Variants in AMZ1 observed in about 807,000 individuals in gnomAD.
AMZ1 encodes the protein archaelysin family metallopeptidase 1, also known as archaemetzincin-1.
Under a neutral mutation model 29.9 loss-of-function variants are expected in AMZ1, and 39 were observed. That is an observed-to-expected ratio of 1.30 (90% confidence interval 1.01 to 1.70). The LOEUF (loss-of-function observed/expected upper bound fraction) is 1.70. AMZ1 is among the 40% of genes most tolerant of loss of function. The pLI is 0.00. For synonymous variants in AMZ1, 458 were observed against 304.0 expected (o/e 1.51, Z -5.27); for missense variants, 1,041 against 680.6 (o/e 1.53, Z -5.89).
upstream of AMZ1, among the ~76,000 whole-genome samples, chr7:2,686,009 G>A (rs926494770): frequency 1.3e-4 from 20 of 152,198 alleles, no homozygotes; most frequent in Non-Finnish European, 2.4e-4. Flanking sequence ...TTATCCCAAG[G>A]TGAGGGGGAC....
chr7:2,750,064 T>C (rs1790954400), intron 4 of AMZ1, among the ~76,000 whole-genome samples: 2 of 152,188 alleles, frequency 1.3e-5, no homozygotes, highest in African/African-American at 4.8e-5. Context: ...ATTCCAAATA[T>C]GATAAGTATG....
Position 2,725,351 on chromosome 7 carries a change from G to A in AMZ1, n.550+15535G>A, listed in dbSNP as rs576578837. 4.5e-4 allele frequency among the ~76,000 whole-genome samples: 69 copies of A among 152,360 alleles called. No homozygotes were observed. The Middle Eastern group carries it at 0.01, about 23-fold the overall frequency. On this transcript the variant is annotated intron_variant and non_coding_transcript_variant, in intron 4 of 4. Coordinates refer to the AMZ1 transcript ENST00000489665. ...CGGCACCAGACGGACACAGCTGCGCGAGGGGAAGGGCGAAGGATGCTTCCA... is the reference window on the plus strand; with the variant it reads ...CGGCACCAGACGGACACAGCTGCGCAAGGGGAAGGGCGAAGGATGCTTCCA...
At chr7:2,755,537 G>T (rs1451244899) in intron 4 of AMZ1, among the ~76,000 whole-genome samples, 1 of 152,120 alleles carries the variant, frequency 6.6e-6, no homozygotes, top group Admixed American at 6.5e-5. Context: ...TTGTTTCCAT[G>T]TGTCTATTGG....
At chr7:2,733,642 C>G in intron 4 of AMZ1, 1 of 660,806 alleles carries the variant, frequency 1.5e-6, no homozygotes, top group Non-Finnish European at 2.8e-6. Flanking sequence ...CAGAGAGTGT[C>G]CGTGTGTTTT....
intron 1 of AMZ1, among the ~76,000 whole-genome samples, chr7:2,681,218 CTT>C (rs1786871688): frequency 1.3e-5 from 2 of 152,334 alleles, no homozygotes; most frequent in Non-Finnish European, 1.5e-5. Context: ...ATCAACACAG[CTT>C]TTGTTATTCA....
chr7:2,750,221 G>T (rs532302813), intron 4 of AMZ1, among the ~76,000 whole-genome samples: 7 of 152,176 alleles, frequency 4.6e-5, no homozygotes, highest in Non-Finnish European at 8.8e-5. Flanking sequence ...AGAACAAACT[G>T]CAAGTCCCAG....
chr7:2,720,388 C>T (rs1422484616), downstream of AMZ1, among the ~76,000 whole-genome samples: 2 of 152,126 alleles, frequency 1.3e-5, no homozygotes, highest in African/African-American at 4.8e-5. Context: ...GTTTTGGGGG[C>T]TGGAGGGGAT....
chr7:2,683,431 GTTTGTT>G (rs200864845), upstream of AMZ1, among the ~76,000 whole-genome samples: 4,713 of 151,900 alleles, frequency 0.031, 161 homozygotes, highest in African/African-American at 0.079. Context: ...TTGTTTGTTT[GTTTGTT>G]TTTGTTTTTG....
At chr7:2,699,422 C>A (rs1787921350) in intron 1 of AMZ1, among the ~76,000 whole-genome samples, 1 of 152,222 alleles carries the variant, frequency 6.6e-6, no homozygotes, top group East Asian at 1.9e-4. Context: ...CTCCCTGTTT[C>A]TAGCTGGTGG....
Position 2,688,295 on chromosome 7 carries a change from AG to A in AMZ1, c.-219+1del, listed in dbSNP as rs1787170787. ...CGGCTCCGGCGGGCGCGGGACTGCG[AG>A]GTAGGGGGGCGCGCGGGGAAGACTC... On this transcript the variant is annotated splice_region_variant and 5_prime_UTR_variant, in exon 1 of 7. Coordinates refer to ENST00000683327, the MANE Select transcript of AMZ1 (RefSeq NM_001384743.1). 6.7e-6 allele frequency: 1 copy of A among 149,446 alleles called. No individual in the cohort carries two copies. The highest frequency in any genetic ancestry group is 2.0e-4 in the East Asian group (1 of 5,012). 9.3% of individuals were successfully genotyped at this position (149,446 alleles called of 1,614,324 possible).
Position 2,700,298 on chromosome 7 carries a change from A to G in AMZ1, c.-154A>G. 2.4e-6 allele frequency: 2 copies of G among 846,794 alleles called. No individual in the cohort carries two copies. Among genetic ancestry groups the G allele is most frequent in the Admixed American group, 2.9e-5 (1 of 34,602 alleles). The allele number at this position is 846,794 out of a possible 1,614,324, so 52.5% of individuals were successfully genotyped here. On this transcript the variant is annotated 5_prime_UTR_variant, in exon 2 of 7. Transcript: ENST00000683327. ...CAGGACCAGGCAGAGCTGGGCCTTA[A>G]GGGCCCTTGGACCAGTGTCTGTCTG...
chr7:2,762,928 C>G, upstream of AMZ1: 1 of 1,399,818 alleles, frequency 7.1e-7, no homozygotes, highest in South Asian at 1.7e-5. Context: ...GGCGGGGACG[C>G]CCCAGACACT....
At chr7:2,707,258 C>G (rs897505980) in intron 3 of AMZ1, among the ~76,000 whole-genome samples, 2 of 144,096 alleles carry the variant, frequency 1.4e-5, no homozygotes, top group African/African-American at 5.0e-5. Flanking sequence ...GCCTGGGCAA[C>G]AAAGCAACAC....
At chr7:2,743,485 T>A (rs577295519) in intron 4 of AMZ1, among the ~76,000 whole-genome samples, 2 of 152,320 alleles carry the variant, frequency 1.3e-5, no homozygotes, top group South Asian at 4.1e-4. Context: ...GCAGCTATTA[T>A]AATTAGGCTC....
chr7:2,747,271 A>G (rs557389435), intron 4 of AMZ1, among the ~76,000 whole-genome samples: 3 of 152,172 alleles, frequency 2.0e-5, no homozygotes, highest in Admixed American at 1.3e-4. Context: ...AAAATCCTCA[A>G]TAAAATACTG....
At chr7:2,744,626 A>G (rs55726557) in intron 4 of AMZ1, among the ~76,000 whole-genome samples, 16,569 of 152,270 alleles carry the variant, frequency 0.11, 1,041 homozygotes, top group Middle Eastern at 0.18. Context: ...CCTCCTCCAA[A>G]GGAACGCAGC....
intron 1 of AMZ1, among the ~76,000 whole-genome samples, chr7:2,682,724 C>A (rs1453704976): frequency 7.9e-5 from 12 of 151,786 alleles, no homozygotes; most frequent in Non-Finnish European, 1.3e-4. Context: ...AGCCCCTTCA[C>A]CCCCCAGCCC....
chr7:2,711,425 C>T (rs1486030368), intron 6 of AMZ1, among the ~76,000 whole-genome samples: 3 of 152,222 alleles, frequency 2.0e-5, no homozygotes, highest in African/African-American at 4.8e-5. Flanking sequence ...TGTGAGCTCC[C>T]AATGTGATGT....
rs1221214553 is a variant in AMZ1, at chr7:2,700,287, G to C, written c.-165G>C. ...CTGAGAGCGTCCAGGACCAGGCAGA[G>C]CTGGGCCTTAAGGGCCCTTGGACCA... On this transcript the variant is annotated 5_prime_UTR_variant, in exon 2 of 7. Transcript: ENST00000683327. 3.9e-6 allele frequency: 3 copies of C among 765,096 alleles called. No individual in the cohort carries two copies. Among genetic ancestry groups the C allele is most frequent in the African/African-American group, 1.8e-5 (1 of 56,856 alleles). The allele number at this position is 765,096 out of a possible 1,614,324, so 47.4% of individuals were successfully genotyped here.
Sources: allele counts gnomAD v4.1 joint callset (sites outside exome capture counted in the v4.1 genomes callset), GRCh38; gene constraint gnomAD v4.1.1; transcripts MANE v1.5; gene names NCBI Gene and HGNC (gene_info 2026-07-23, HGNC 2026-07-21).